Variants in CLINT1 observed in about 807,000 individuals in gnomAD.
The protein encoded by CLINT1 is clathrin interactor 1, also known as clathrin interacting protein localized in the trans-Golgi region.
Under a neutral mutation model 70.4 loss-of-function variants are expected in CLINT1, and 15 were observed. The ratio of observed to expected loss-of-function variants is 0.21; its 90% CI spans 0.14 to 0.33. The LOEUF (loss-of-function observed/expected upper bound fraction) is 0.33, where lower values mean the gene tolerates loss of function less well. Among genes scored for constraint, CLINT1 ranks in the 10% least tolerant of loss-of-function variants. CLINT1 has a pLI of 1.00. For synonymous variants in CLINT1, 227 were observed against 254.7 expected (o/e 0.89, Z 1.04); for missense variants, 615 against 778.1 (o/e 0.79, Z 2.49).
intron 1 of CLINT1, among the ~76,000 whole-genome samples, chr5:157,846,827 C>T (rs1201600951): frequency 5.3e-5 from 8 of 152,198 alleles, no homozygotes; most frequent in Non-Finnish European, 1.2e-4. Context: ...GCTAAATCTA[C>T]TCTGCTTGTG....
Position 157,800,640 on chromosome 5 carries a change from A to C in CLINT1, c.1012+3010T>G, listed in dbSNP as rs546947591. On this transcript the variant is annotated intron_variant, in intron 8 of 11. Coordinates refer to ENST00000411809, the MANE Select transcript of CLINT1 (RefSeq NM_014666.4). ...AAAAATTCTTCTAATATCAATCTCT[A>C]TTAGTTGCTTTTTATTAAGATAAAA... Among the ~76,000 whole-genome samples the C allele has an allele frequency of 1.7e-3, 257 of 152,302 alleles. 2 individuals are homozygous for C. The highest frequency in any genetic ancestry group is 6.8e-3 in the Middle Eastern group (2 of 294).
chr5:157,791,259 C>G (rs1331729939), intron 10 of CLINT1, among the ~76,000 whole-genome samples: 1 of 152,086 alleles, frequency 6.6e-6, no homozygotes, highest in Non-Finnish European at 1.5e-5. Flanking sequence ...TGGGTTTCAC[C>G]GTGTTAGCCA....
intron 1 of CLINT1, among the ~76,000 whole-genome samples, chr5:157,839,720 A>AATCTATCTATCT (rs10632085): frequency 0.031 from 4,638 of 148,472 alleles, 97 homozygotes; most frequent in African/African-American, 0.061. Flanking sequence ...TTACAACAAA[A>AATCTATCTATCT]ATCTATCTAT....
chr5:157,809,321 A>G (rs1203782700), intron 6 of CLINT1: 1 of 234,094 alleles, frequency 4.3e-6, no homozygotes, highest in African/African-American at 2.3e-5. Flanking sequence ...CGTAAACTAC[A>G]GACTTTAGTT....
At chr5:157,800,290 G>C (rs938152498) in intron 8 of CLINT1, among the ~76,000 whole-genome samples, 2 of 152,074 alleles carry the variant, frequency 1.3e-5, no homozygotes, top group Non-Finnish European at 2.9e-5. Context: ...CTGGTGAGTG[G>C]TACAGATGCC....
chr5:157,855,243 C>A (rs2113345221), intron 1 of CLINT1, among the ~76,000 whole-genome samples: 1 of 146,612 alleles, frequency 6.8e-6, no homozygotes. Flanking sequence ...TGAGCTTGAA[C>A]AAATAAGTAG....
At chr5:157,815,624 C>T (rs531898001) in intron 3 of CLINT1, among the ~76,000 whole-genome samples, 2 of 152,282 alleles carry the variant, frequency 1.3e-5, no homozygotes, top group East Asian at 3.9e-4. Context: ...CAGTAATTTA[C>T]AGCCATGTGT....
At chr5:157,810,927 A>G (rs761521641) in intron 5 of CLINT1, among the ~76,000 whole-genome samples, 13 of 152,162 alleles carry the variant, frequency 8.5e-5, no homozygotes, top group South Asian at 2.1e-4. Flanking sequence ...CAAGGCTAAA[A>G]TTTTCTGTTA....
intron 1 of CLINT1, among the ~76,000 whole-genome samples, chr5:157,820,701 C>T (rs937753348): frequency 6.6e-6 from 1 of 151,858 alleles, no homozygotes; most frequent in Non-Finnish European, 1.5e-5. Context: ...ATTCCAGTGA[C>T]CTTTTTTAAA....
chr5:157,818,505 C>T (rs1434820379), intron 1 of CLINT1, among the ~76,000 whole-genome samples: 3 of 147,322 alleles, frequency 2.0e-5, no homozygotes, highest in Admixed American at 1.4e-4. Flanking sequence ...AAAAATTAGC[C>T]AGACATGTTG....
intron 1 of CLINT1, among the ~76,000 whole-genome samples, chr5:157,821,667 T>C (rs1762882842): frequency 6.6e-6 from 1 of 152,226 alleles, no homozygotes; most frequent in Non-Finnish European, 1.5e-5. Flanking sequence ...TAGGTTTCTC[T>C]GTCCTGATAA....
intron 3 of CLINT1, among the ~76,000 whole-genome samples, chr5:157,815,766 C>T (rs991322152): frequency 6.6e-6 from 1 of 152,176 alleles, no homozygotes; most frequent in South Asian, 2.1e-4. Flanking sequence ...ATAAGACAAC[C>T]TATTGCTCCT....
intron 1 of CLINT1, among the ~76,000 whole-genome samples, chr5:157,851,055 G>A (rs1407982529): frequency 6.6e-6 from 1 of 152,166 alleles, no homozygotes; most frequent in African/African-American, 2.4e-5. Flanking sequence ...GCCTCCCAAA[G>A]TGTTGGGATT....
At position 157,840,019 on chromosome 5, in the gene CLINT1, C is replaced by A. The variant is rs144240549; in HGVS notation, c.41+18911G>T. ...ACTGCCTGAGCTCAGCAGTTCGAGA[C>A]CAGGCTGTTGCTACTAAAAATACAA... On this transcript the variant is annotated intron_variant, in intron 1 of 11. Coordinates refer to ENST00000411809, the MANE Select transcript of CLINT1 (RefSeq NM_014666.4). Among the ~76,000 whole-genome samples the A allele has an allele frequency of 4.7e-4, 72 of 151,664 alleles. No homozygotes were observed. In the East Asian group the frequency reaches 8.7e-3, roughly 18 times the overall value.
intron 9 of CLINT1, among the ~76,000 whole-genome samples, 192 bp from the exon 10 acceptor site, chr5:157,792,187 C>T (rs1204496400): frequency 6.6e-6 from 1 of 152,064 alleles, no homozygotes; most frequent in East Asian, 1.9e-4. Context: ...AAAGAAAAAA[C>T]AAACCTCCCA....
intron 7 of CLINT1, among the ~76,000 whole-genome samples, chr5:157,804,284 GTTAT>G (rs1483814447): frequency 2.0e-5 from 3 of 152,008 alleles, no homozygotes; most frequent in Non-Finnish European, 2.9e-5. Flanking sequence ...ATAATTCTAT[GTTAT>G]TTGATATATT....
rs563369329 is a variant in CLINT1, at chr5:157,845,776, G to A, written c.41+13154C>T. 5.1e-3 allele frequency among the ~76,000 whole-genome samples: 782 copies of A among 152,082 alleles called. 8 individuals are homozygous for A. The highest frequency in any genetic ancestry group is 0.017 in the African/African-American group (716 of 41,500). ...TCACCGTGTTAGCCAGGATGGTCTC[G>A]ATCTCCTGACCTCGTGATCCGCCTG... On this transcript the variant is annotated intron_variant, in intron 1 of 11. Coordinates refer to ENST00000411809, the MANE Select transcript of CLINT1 (RefSeq NM_014666.4).
chr5:157,809,995 A>G (rs1762506100), intron 5 of CLINT1, among the ~76,000 whole-genome samples, 190 bp from the exon 6 acceptor site: 1 of 152,216 alleles, frequency 6.6e-6, no homozygotes, highest in Non-Finnish European at 1.5e-5. Flanking sequence ...AAGTGGCAGG[A>G]ATGCAGATTC....
intron 11 of CLINT1, among the ~76,000 whole-genome samples, chr5:157,788,878 A>T (rs1761807564): frequency 6.6e-6 from 1 of 151,240 alleles, no homozygotes; most frequent in Middle Eastern, 3.4e-3. Context: ...TGAGGCAAGG[A>T]ATTGCTTAAA....
Sources: gnomAD v4.1 joint callset for allele counts (sites outside exome capture counted in the v4.1 genomes callset) on GRCh38, gnomAD v4.1.1 for gene constraint, MANE v1.5 for transcripts, NCBI Gene and HGNC (gene_info 2026-07-23, HGNC 2026-07-21) for gene names.